ELAPOR2: variants seen among roughly 807,000 people sequenced by gnomAD.
ELAPOR2 encodes the protein endosome-lysosome associated apoptosis and autophagy regulator family member 2, also known as endosome/lysosome-associated apoptosis and autophagy regulator family member 2.
A neutral mutation model predicts 120.7 loss-of-function variants in ELAPOR2; 89 were observed. The ratio of observed to expected loss-of-function variants is 0.74; its 90% CI spans 0.62 to 0.88. The LOEUF (loss-of-function observed/expected upper bound fraction) is 0.88. Ranked by LOEUF, ELAPOR2 falls within the 40% of genes least tolerant of loss-of-function variation. The pLI is 0.00. For missense variants in ELAPOR2, 1,134 were observed against 1,251.6 expected, an observed-to-expected ratio of 0.91 and a Z score of 1.42; for synonymous variants, 444 against 444.9, an observed-to-expected ratio of 1.00 and a Z score of 0.03.
chr7:87,024,291 C>T (rs529676850), intron 1 of ELAPOR2, among the ~76,000 whole-genome samples: 2 of 152,254 alleles, frequency 1.3e-5, no homozygotes, highest in East Asian at 3.9e-4. Context: ...TGAATTTTGT[C>T]AAAGGCCTTT....
In ELAPOR2 at chr7:86,965,725, G is replaced by A. The variant is rs369259511; in HGVS notation, c.190-701C>T. On this transcript the variant is annotated intron_variant, in intron 1 of 21. Coordinates refer to ENST00000450689, the MANE Select transcript of ELAPOR2 (RefSeq NM_001142749.3). ...TACACATAAGTGATATTTAAACTGA[G>A]AAGAACCCAAACAAAATATTATTGG... 1,051 of 708,040 alleles carry A rather than the reference G, an allele frequency of 1.5e-3. 5 individuals are homozygous for A. The highest frequency in any genetic ancestry group is 0.014 in the South Asian group (217 of 15,720). 43.9% of individuals were successfully genotyped at this position (708,040 alleles called of 1,614,324 possible).
chr7:86,997,055 T>A (rs1410801228), intron 1 of ELAPOR2, among the ~76,000 whole-genome samples: 1 of 152,200 alleles, frequency 6.6e-6, no homozygotes, highest in Non-Finnish European at 1.5e-5. Flanking sequence ...TACATGTCCC[T>A]CTCTCTGATC....
chr7:87,040,154 A>G (rs1041374069), intron 1 of ELAPOR2, among the ~76,000 whole-genome samples: 24 of 152,236 alleles, frequency 1.6e-4, no homozygotes, highest in African/African-American at 5.8e-4. Context: ...CTAGCACAGC[A>G]GTCTGAGATC....
chr7:86,898,558 C>CAAAAA (rs1562905340), intron 18 of ELAPOR2, among the ~76,000 whole-genome samples: 1 of 50,520 alleles, frequency 2.0e-5, no homozygotes, highest in Non-Finnish European at 3.5e-5. Context: ...GACACAATGA[C>CAAAAA]CAAAAAAAAA....
Position 86,908,488 on chromosome 7 carries a change from T to G in ELAPOR2, c.2415A>C (p.Pro805=), listed in dbSNP as rs2116043270. 1 of 1,588,256 alleles carries G rather than the reference T, an allele frequency of 6.3e-7. No homozygotes were observed. Among genetic ancestry groups the G allele is most frequent in the South Asian group, 1.2e-5 (1 of 86,522 alleles). Residue 805 remains proline (P), a synonymous_variant, in exon 17 of 22, where the codon CCA becomes CCC. Coordinates refer to ENST00000450689, the MANE Select transcript of ELAPOR2 (RefSeq NM_001142749.3). ...KNINIKEDMF[P]VPTSQIPDVH... ...CATCTGGTATTTGGCTTGTTGGAAC[T>G]GGGAACATATCTTCTTTTATATTAA...
At chr7:86,895,106 CG>C (rs1396812936) in intron 19 of ELAPOR2, among the ~76,000 whole-genome samples, 1 of 151,986 alleles carries the variant, frequency 6.6e-6, no homozygotes. Context: ...TGAAACACAA[CG>C]GGATGGTTAA....
chr7:86,919,827 C>T (rs1342839128), intron 10 of ELAPOR2: 2 of 152,626 alleles, frequency 1.3e-5, no homozygotes, highest in Non-Finnish European at 2.9e-5. Flanking sequence ...GAAGGTAAGA[C>T]AAAGTCCCCC....
intron 1 of ELAPOR2, among the ~76,000 whole-genome samples, chr7:87,013,643 G>T (rs1793767517): frequency 6.6e-6 from 1 of 152,150 alleles, no homozygotes; most frequent in African/African-American, 2.4e-5. Flanking sequence ...ACCAGGAACA[G>T]CAATGACAGA....
At chr7:86,907,174 A>C (rs985968736) in intron 18 of ELAPOR2, among the ~76,000 whole-genome samples, 5 of 152,218 alleles carry the variant, frequency 3.3e-5, no homozygotes, top group Non-Finnish European at 5.9e-5. Context: ...TGATTCTGCC[A>C]CCATTAATCA....
At chr7:86,983,018 G>T (rs1196189658) in intron 1 of ELAPOR2, among the ~76,000 whole-genome samples, 1 of 152,154 alleles carries the variant, frequency 6.6e-6, no homozygotes, top group Non-Finnish European at 1.5e-5. Context: ...GAAAACCATG[G>T]CACGAGAATG....
At chr7:86,917,774 T>TA (rs1229653002) in intron 12 of ELAPOR2, among the ~76,000 whole-genome samples, 1 of 151,878 alleles carries the variant, frequency 6.6e-6, no homozygotes, top group African/African-American at 2.4e-5. Flanking sequence ...AAACTGTTAA[T>TA]AAACTGTTAA....
intron 1 of ELAPOR2, among the ~76,000 whole-genome samples, chr7:87,011,221 T>TCGCGCCACTGCTCTCCA: frequency 7.2e-6 from 1 of 138,172 alleles, no homozygotes; most frequent in Non-Finnish European, 1.5e-5. Context: ...TGAGCCAAGA[T>TCGCGCCACTGCTCTCCA]GCATGGCGAC....
At chr7:87,026,250 A>G (rs1794239987) in intron 1 of ELAPOR2, among the ~76,000 whole-genome samples, 2 of 152,114 alleles carry the variant, frequency 1.3e-5, no homozygotes, top group Admixed American at 1.3e-4. Context: ...AAGCCTGGAC[A>G]TAAACCTATC....
At chr7:87,026,083 A>G (rs1562973733) in intron 1 of ELAPOR2, among the ~76,000 whole-genome samples, 1 of 152,130 alleles carries the variant, frequency 6.6e-6, no homozygotes, top group Non-Finnish European at 1.5e-5. Flanking sequence ...TTTTATCAGT[A>G]CAGTCACTAA....
chr7:86,939,891 C>T, intron 6 of ELAPOR2, 119 bp downstream of exon 6: 2 of 535,914 alleles, frequency 3.7e-6, no homozygotes, highest in South Asian at 3.7e-5. Context: ...ATATGATTCC[C>T]TAACATATTA....
At chr7:87,022,141 C>G (rs1186775751) in intron 1 of ELAPOR2, among the ~76,000 whole-genome samples, 1 of 151,998 alleles carries the variant, frequency 6.6e-6, no homozygotes, top group Non-Finnish European at 1.5e-5. Flanking sequence ...AGGTTTGTTA[C>G]ATATGTATAC....
intron 1 of ELAPOR2, among the ~76,000 whole-genome samples, chr7:87,005,090 G>A (rs762581440): frequency 6.6e-6 from 1 of 152,022 alleles, no homozygotes; most frequent in Non-Finnish European, 1.5e-5. Context: ...GTGCTAAAAG[G>A]TCAGCTAGCA....
intron 1 of ELAPOR2, among the ~76,000 whole-genome samples, chr7:86,965,625 A>C (rs914191680): frequency 5.3e-5 from 8 of 152,220 alleles, no homozygotes; most frequent in Admixed American, 2.6e-4. Context: ...AATTAAAACC[A>C]ACCCCCAACC....
intron 4 of ELAPOR2, among the ~76,000 whole-genome samples, chr7:86,944,246 G>A (rs1269846793): frequency 3.9e-5 from 6 of 152,038 alleles, no homozygotes. Flanking sequence ...ATTAGATACT[G>A]TTTATTACTA....
Sources: allele counts gnomAD v4.1 joint callset (sites outside exome capture counted in the v4.1 genomes callset), GRCh38; gene constraint gnomAD v4.1.1; transcripts MANE v1.5; gene names NCBI Gene and HGNC (gene_info 2026-07-23, HGNC 2026-07-21).